SNRNP40: variants seen among roughly 807,000 people sequenced by gnomAD.
SNRNP40 encodes the protein small nuclear ribonucleoprotein U5 subunit 40, also known as U5 small nuclear ribonucleoprotein 40 kDa protein.
In SNRNP40, 21 loss-of-function variants were observed where a neutral mutation model predicts 45.8. The observed-to-expected ratio is 0.46, with a 90% confidence interval of 0.32 to 0.66. The LOEUF is 0.66. SNRNP40 is among the 30% of genes least tolerant of loss of function. SNRNP40 has a pLI of 0.03. For missense variants in SNRNP40, 344 were observed against 439.1 expected (o/e 0.78, Z 1.94); for synonymous variants, 142 against 163.8 (o/e 0.87, Z 1.01).
intron 2 of SNRNP40, among the ~76,000 whole-genome samples, chr1:31,292,404 TTGTC>T (rs1175479025): frequency 6.6e-6 from 1 of 152,100 alleles, no homozygotes; most frequent in Non-Finnish European, 1.5e-5. Flanking sequence ...ACTATGTAGT[TTGTC>T]TGATGAAATT....
chr1:31,266,325 G>C (rs371684094), intron 8 of SNRNP40, among the ~76,000 whole-genome samples: 59 of 152,272 alleles, frequency 3.9e-4, no homozygotes, highest in African/African-American at 1.4e-3. Flanking sequence ...GTTTCAGTAG[G>C]ATTGAAAGAG....
intron 1 of SNRNP40, among the ~76,000 whole-genome samples, chr1:31,294,874 G>A (rs1299824483): frequency 1.3e-5 from 2 of 151,350 alleles, no homozygotes; most frequent in African/African-American, 4.9e-5. Context: ...CCCGGGTGGC[G>A]GAGGTTGCGG....
intron 4 of SNRNP40, 109 bp downstream of exon 4, chr1:31,289,145 G>T: frequency 2.1e-6 from 2 of 955,746 alleles, no homozygotes; most frequent in South Asian, 1.7e-5. Context: ...TATGGGAGAT[G>T]ACTGCTAAAA....
chr1:31,269,039 C>T, intron 7 of SNRNP40, 119 bp downstream of exon 7: 1 of 868,050 alleles, frequency 1.2e-6, no homozygotes, highest in Non-Finnish European at 1.7e-6. Context: ...TAATTAAGAG[C>T]AGTGTTATTG....
At chr1:31,282,507 C>G (rs113386214) in intron 4 of SNRNP40, 15 of 150,954 alleles carry the variant, frequency 9.9e-5, no homozygotes, top group African/African-American at 3.7e-4. Context: ...ATCTATCTAT[C>G]TATCTATCTA....
intron 2 of SNRNP40, 111 bp downstream of exon 2, chr1:31,293,108 G>T: frequency 8.5e-7 from 1 of 1,173,130 alleles, no homozygotes; most frequent in African/African-American, 1.5e-5. Flanking sequence ...TAGCCATGCA[G>T]CCTGTTATGT....
chr1:31,286,022 T>TGTGAAAGTACAAGGGGG lies in SNRNP40; in HGVS notation c.531+3231_531+3232insCCCCCTTGTACTTTCAC, dbSNP rs531963602. ...CAAGTACAAGGCTTATCTTGTACTT[T>TGTGAAAGTACAAGGGGG]CACTGCCCCTGGGCTGAAATAGGAG... On this transcript the variant is annotated intron_variant, in intron 4 of 9. Coordinates refer to ENST00000263694, the MANE Select transcript of SNRNP40 (RefSeq NM_004814.3). Among the ~76,000 whole-genome samples the TGTGAAAGTACAAGGGGG allele has an allele frequency of 5.8e-3, 889 of 152,268 alleles. 68 individuals carry two copies. In the East Asian group the frequency reaches 0.14, roughly 25 times the overall value.
chr1:31,285,858 T>C (rs1050999221), intron 4 of SNRNP40, among the ~76,000 whole-genome samples: 8 of 152,210 alleles, frequency 5.3e-5, no homozygotes, highest in African/African-American at 1.9e-4. Context: ...GTTATACATC[T>C]TTGGTAGGAA....
intron 4 of SNRNP40, among the ~76,000 whole-genome samples, chr1:31,285,949 C>T (rs753318519): frequency 6.6e-6 from 1 of 152,040 alleles, no homozygotes; most frequent in Non-Finnish European, 1.5e-5. Context: ...CTAATTAGGT[C>T]GATTTGATAA....
intron 7 of SNRNP40, 82 bp downstream of exon 7, chr1:31,269,076 A>T: frequency 8.1e-7 from 1 of 1,230,692 alleles, no homozygotes; most frequent in Non-Finnish European, 1.1e-6. Flanking sequence ...TAGCAGAGCT[A>T]CTGCTCTCTA....
At chr1:31,274,139 G>A (rs904358025) in intron 5 of SNRNP40, among the ~76,000 whole-genome samples, 1 of 152,024 alleles carries the variant, frequency 6.6e-6, no homozygotes, top group African/African-American at 2.4e-5. Flanking sequence ...TTGAATGCCT[G>A]GCTTGCACTT....
rs758436152 is a variant in SNRNP40, at chr1:31,260,020, G to A, written c.*52C>T. 49 of 1,293,502 alleles carry A rather than the reference G, an allele frequency of 3.8e-5. No homozygotes were observed. The highest frequency in any genetic ancestry group is 4.7e-5 in the South Asian group (4 of 84,266). The allele number at this position is 1,293,502 out of a possible 1,614,324, so 80.1% of individuals were successfully genotyped here. ...ACATCCAACATTTGGCATCACTTATGCAGTCTGAGGTCTCAAAGACAAGCG... is the reference window on the plus strand; with the variant it reads ...ACATCCAACATTTGGCATCACTTATACAGTCTGAGGTCTCAAAGACAAGCG... On this transcript the variant is annotated 3_prime_UTR_variant, in exon 10 of 10. Transcript: ENST00000263694.
At chr1:31,295,614 A>G (rs1440248867) in intron 1 of SNRNP40, among the ~76,000 whole-genome samples, 1 of 152,246 alleles carries the variant, frequency 6.6e-6, no homozygotes, top group Non-Finnish European at 1.5e-5. Context: ...GTAAAGGGAA[A>G]GAGGGCAAAT....
intron 5 of SNRNP40, among the ~76,000 whole-genome samples, chr1:31,277,415 GTAAT>G (rs761811483): frequency 1.3e-5 from 2 of 152,058 alleles, no homozygotes; most frequent in South Asian, 2.1e-4. Flanking sequence ...TATTTTAATT[GTAAT>G]TAATTGTTAA....
intron 5 of SNRNP40, among the ~76,000 whole-genome samples, chr1:31,272,704 A>G (rs1456152432): frequency 1.3e-5 from 2 of 152,258 alleles, no homozygotes; most frequent in African/African-American, 2.4e-5. Flanking sequence ...GTTCCTAAAA[A>G]TAACTCAGAA....
At chr1:31,294,027 C>T (rs1036362784) in intron 1 of SNRNP40, among the ~76,000 whole-genome samples, 4 of 151,346 alleles carry the variant, frequency 2.6e-5, no homozygotes, top group African/African-American at 9.7e-5. Flanking sequence ...GGTGTGATCT[C>T]GGCTCACTGC....
intron 2 of SNRNP40, chr1:31,292,765 TGATGTACAGGTA>T (rs1203295048): frequency 1.3e-5 from 2 of 154,544 alleles, no homozygotes; most frequent in African/African-American, 4.8e-5. Flanking sequence ...TAGATCCTAA[TGATGTACAGGTA>T]GATTATTTAA....
chr1:31,283,174 A>G (rs1646032174), intron 4 of SNRNP40, among the ~76,000 whole-genome samples: 1 of 152,250 alleles, frequency 6.6e-6, no homozygotes, highest in South Asian at 2.1e-4. Flanking sequence ...AAAGACTGGG[A>G]GAATTTTTGT....
chr1:31,286,161 T>C (rs1475081151), intron 4 of SNRNP40, among the ~76,000 whole-genome samples: 1 of 122,296 alleles, frequency 8.2e-6, no homozygotes, highest in Non-Finnish European at 2.1e-5. Context: ...TATGTACATT[T>C]AGGTACACAC....
Sources: allele counts gnomAD v4.1 joint callset (sites outside exome capture counted in the v4.1 genomes callset), GRCh38; gene constraint gnomAD v4.1.1; transcripts MANE v1.5; gene names NCBI Gene and HGNC (gene_info 2026-07-23, HGNC 2026-07-21).